CDK13: variants seen among roughly 807,000 people sequenced by gnomAD.
CDK13 encodes the protein cyclin-dependent kinase 13.
A neutral mutation model predicts 137.6 loss-of-function variants in CDK13; 40 were observed. That is an observed-to-expected ratio of 0.29 (90% confidence interval 0.23 to 0.38). The LOEUF (loss-of-function observed/expected upper bound fraction) is 0.38, where lower values mean the gene tolerates loss of function less well. CDK13 is among the 10% of genes least tolerant of loss of function. The pLI, the probability that CDK13 is intolerant of heterozygous loss-of-function variation, is 1.00. For synonymous variants in CDK13, 869 were observed against 760.1 expected (o/e 1.14, Z -2.36); for missense variants, 1,704 against 1,951.8 (o/e 0.87, Z 2.39).
chr7:40,040,550 T>A (rs1785583240), intron 5 of CDK13, among the ~76,000 whole-genome samples: 1 of 152,208 alleles, frequency 6.6e-6, no homozygotes, highest in Non-Finnish European at 1.5e-5. Flanking sequence ...CAATAAGTAT[T>A]GTGAAAAATT....
chr7:40,042,244 A>G (rs915861306), intron 5 of CDK13, among the ~76,000 whole-genome samples: 3 of 150,494 alleles, frequency 2.0e-5, no homozygotes, highest in Non-Finnish European at 4.4e-5. Flanking sequence ...AAGCCCAGCT[A>G]ATTTTTTTGT....
At chr7:40,082,790 C>CAAA (rs76440638) in intron 11 of CDK13, among the ~76,000 whole-genome samples, 1 of 61,130 alleles carries the variant, frequency 1.6e-5, no homozygotes, top group Non-Finnish European at 3.6e-5. Flanking sequence ...GACTCTGCCT[C>CAAA]AAAAAAAAAA....
At chr7:40,039,117 C>T (rs953727308) in intron 5 of CDK13, among the ~76,000 whole-genome samples, 1 of 151,890 alleles carries the variant, frequency 6.6e-6, no homozygotes, top group African/African-American at 2.4e-5. Flanking sequence ...GATCTTTTCT[C>T]CCCCTAATTT....
intron 1 of CDK13, among the ~76,000 whole-genome samples, chr7:39,974,529 A>G (rs1202370082): frequency 2.7e-5 from 4 of 148,742 alleles, no homozygotes; most frequent in African/African-American, 7.4e-5. Flanking sequence ...TTTAAAGGCT[A>G]TTGCAATGGG....
In CDK13 at chr7:40,023,992, T is replaced by C. The variant is rs773885038; in HGVS notation, c.2354-21844T>C. 8.5e-5 allele frequency among the ~76,000 whole-genome samples: 13 copies of C among 152,232 alleles called. 1 individual carries two copies. The highest frequency in any genetic ancestry group is 5.9e-4 in the Admixed American group (9 of 15,288). On this transcript the variant is annotated intron_variant, in intron 5 of 13. Coordinates refer to ENST00000181839, the MANE Select transcript of CDK13 (RefSeq NM_003718.5). Reference sequence around the variant, plus strand: ...TTTCTTTTCTCTTAAATAGAAGATATTGCTTCATTTTCTGCAGGGAAAGTA... The same window carrying C: ...TTTCTTTTCTCTTAAATAGAAGATACTGCTTCATTTTCTGCAGGGAAAGTA...
intron 5 of CDK13, among the ~76,000 whole-genome samples, chr7:40,013,171 A>G (rs1437438479): frequency 6.6e-6 from 1 of 152,216 alleles, no homozygotes; most frequent in Non-Finnish European, 1.5e-5. Context: ...AAGATAATAT[A>G]TGTGTGATTC....
chr7:39,986,445 G>A (rs1784339758), intron 1 of CDK13: 1 of 152,106 alleles, frequency 6.6e-6, no homozygotes, highest in African/African-American at 2.4e-5. Flanking sequence ...GTTTGTCATT[G>A]TTTTATAGAG....
intron 1 of CDK13, among the ~76,000 whole-genome samples, chr7:39,979,860 A>G (rs957049703): frequency 3.3e-5 from 5 of 152,136 alleles, no homozygotes; most frequent in Admixed American, 1.3e-4. Flanking sequence ...GGAATAGGAG[A>G]GAGAAAATGT....
intron 9 of CDK13, among the ~76,000 whole-genome samples, chr7:40,075,641 G>A (rs571738847): frequency 5.3e-5 from 8 of 152,134 alleles, no homozygotes; most frequent in Admixed American, 1.3e-4. Flanking sequence ...TAATTTGACC[G>A]ATGTCAGACA....
At chr7:40,043,197 C>T (rs1215563735) in intron 5 of CDK13, among the ~76,000 whole-genome samples, 14 of 152,174 alleles carry the variant, frequency 9.2e-5, no homozygotes, top group Admixed American at 9.2e-4. Flanking sequence ...AACTGTCCAC[C>T]TCCTTGTGGG....
intron 5 of CDK13, among the ~76,000 whole-genome samples, chr7:40,039,712 G>A (rs1785564446): frequency 1.3e-5 from 2 of 151,948 alleles, no homozygotes; most frequent in South Asian, 4.2e-4. Flanking sequence ...GATTACAGGC[G>A]TGAGCCACCG....
chr7:39,986,969 G>A lies in CDK13; in HGVS notation c.1212-630G>A, dbSNP rs1447895962. The A allele has an allele frequency of 3.9e-5, 6 of 152,192 alleles. No individual in the cohort carries two copies. The East Asian group carries it at 1.2e-3, about 29-fold the overall frequency. 9.4% of individuals were successfully genotyped at this position (152,192 alleles called of 1,614,324 possible). A position where few individuals can be genotyped will look rare whatever the true frequency, so the allele number is the denominator to read the frequency against. On this transcript the variant is annotated intron_variant, in intron 1 of 13. Coordinates refer to ENST00000181839, the MANE Select transcript of CDK13 (RefSeq NM_003718.5). ...TGCCGGGCTAATTTTTATAGTTTTA[G>A]TAGAGACGGGGTTTCATTCACTATG...
chr7:40,024,664 T>G (rs991257788), intron 5 of CDK13, among the ~76,000 whole-genome samples: 18 of 134,080 alleles, frequency 1.3e-4, no homozygotes, highest in Non-Finnish European at 2.1e-4. Context: ...TTTTTTTTTT[T>G]TTTTTTTTTT....
At chr7:40,048,125 G>A (rs1039533863) in intron 7 of CDK13, 8 of 323,304 alleles carry the variant, frequency 2.5e-5, no homozygotes, top group South Asian at 1.1e-4. Context: ...ATCTTTAAGT[G>A]TAACTGAAGT....
At chr7:39,954,469 G>C (rs1787342951) in intron 1 of CDK13, among the ~76,000 whole-genome samples, 1 of 152,148 alleles carries the variant, frequency 6.6e-6, no homozygotes, top group South Asian at 2.1e-4. Context: ...CAACTGGGCT[G>C]TCTTATCCAT....
chr7:40,026,581 A>G lies in CDK13; in HGVS notation c.2354-19255A>G, dbSNP rs558454017. The stretch of plus-strand genomic sequence containing the variant: ...TATGTTTTTCTTACTCTTTCCTTAA[A>G]TAACCTCATAAATAACCATAAAATT... On this transcript the variant is annotated intron_variant, in intron 5 of 13. Transcript: ENST00000181839. Among the ~76,000 whole-genome samples, 4 of 152,358 alleles carry G rather than the reference A, an allele frequency of 2.6e-5. No individual in the cohort carries two copies. In the South Asian group the frequency reaches 8.3e-4, roughly 32 times the overall value.
chr7:40,062,584 A>G (rs1375761819), intron 7 of CDK13: 2 of 402,760 alleles, frequency 5.0e-6, no homozygotes, highest in African/African-American at 4.1e-5. Context: ...CCAGCCTATC[A>G]GTCAACTACT....
chr7:40,003,465 G>A (rs930160541), intron 5 of CDK13, among the ~76,000 whole-genome samples: 1 of 152,056 alleles, frequency 6.6e-6, no homozygotes, highest in Non-Finnish European at 1.5e-5. Flanking sequence ...GTACTGGTGT[G>A]ACTTAAATTA....
chr7:39,964,617 C>G (rs568856122), intron 1 of CDK13, among the ~76,000 whole-genome samples: 2 of 144,160 alleles, frequency 1.4e-5, no homozygotes, highest in Non-Finnish European at 3.0e-5. Flanking sequence ...ATTTTTGTGT[C>G]TCTATTTCCT....
Sources: gnomAD v4.1 joint callset for allele counts (sites outside exome capture counted in the v4.1 genomes callset) on GRCh38, gnomAD v4.1.1 for gene constraint, MANE v1.5 for transcripts, NCBI Gene and HGNC (gene_info 2026-07-23, HGNC 2026-07-21) for gene names.